The following PCDH7 variants were observed in gnomAD, a reference collection of about 807,000 sequenced individuals.
PCDH7 encodes protocadherin 7.
Under a neutral mutation model 58.9 loss-of-function variants are expected in PCDH7, and 17 were observed. That is an observed-to-expected ratio of 0.29 (90% CI 0.20 to 0.43). The LOEUF (loss-of-function observed/expected upper bound fraction) is 0.43, where lower values mean the gene tolerates loss of function less well. Ranked by LOEUF, PCDH7 falls within the 20% of genes least tolerant of loss-of-function variation. PCDH7 has a pLI of 1.00. For synonymous variants in PCDH7, 664 were observed against 616.4 expected, an observed-to-expected ratio of 1.08 and a Z score of -1.14; for missense variants, 1,274 against 1,441.0, an observed-to-expected ratio of 0.88 and a Z score of 1.88.
At chr4:31,033,864 T>C (rs1578615689) in intron 3 of PCDH7, among the ~76,000 whole-genome samples, 1 of 152,026 alleles carries the variant, frequency 6.6e-6, no homozygotes, top group Admixed American at 6.6e-5. Context: ...GAGGCTGAGG[T>C]GGGCAGATCA....
At chr4:30,889,986 A>G (rs1335921482) in intron 1 of PCDH7, among the ~76,000 whole-genome samples, 2 of 152,218 alleles carry the variant, frequency 1.3e-5, no homozygotes, top group Non-Finnish European at 2.9e-5. Context: ...AGACAATTGG[A>G]TAAGTGCAAT....
In PCDH7 at chr4:30,723,382, C is replaced by G. The variant is rs1714035909; in HGVS notation, c.1960C>G (p.Pro654Ala). ...CTTTTATGTGAAAGAAAACTTGCAGCCCAACAGCCCTGTGGGGATGGTCAC... is the reference window on the plus strand; with the variant it reads ...CTTTTATGTGAAAGAAAACTTGCAGGCCAACAGCCCTGTGGGGATGGTCAC... The change falls in exon 1 of 2, where the codon CCC (proline) becomes GCC (alanine). Residue 654 changes from proline (P) to alanine (A), a missense_variant. Transcript: ENST00000361762. The surrounding 1 kb of genome is among the most constrained non-coding windows in gnomAD (Gnocchi z 4.6). 1.2e-6 allele frequency: 2 copies of G among 1,614,222 alleles called. No homozygotes were observed. Among genetic ancestry groups the G allele is most frequent in the Admixed American group, 1.7e-5 (1 of 60,024 alleles).
intron 3 of PCDH7, among the ~76,000 whole-genome samples, chr4:30,976,891 T>A (rs73815122): frequency 0.036 from 5,534 of 152,260 alleles, 311 homozygotes; most frequent in African/African-American, 0.12. Flanking sequence ...TTTATTTCAT[T>A]AAAAATAATC....
intron 3 of PCDH7, among the ~76,000 whole-genome samples, chr4:31,002,237 A>G (rs779588948): frequency 2.0e-5 from 3 of 152,192 alleles, no homozygotes; most frequent in Non-Finnish European, 4.4e-5. Context: ...TTCTGGGGGT[A>G]TATTAGCCTT....
intron 3 of PCDH7, among the ~76,000 whole-genome samples, chr4:31,047,638 T>C (rs1345104180): frequency 6.6e-6 from 1 of 152,138 alleles, no homozygotes; most frequent in African/African-American, 2.4e-5. Flanking sequence ...ATTGGTTGAC[T>C]GACTGATTTC....
chr4:30,883,511 T>A (rs1346515445), intron 1 of PCDH7, among the ~76,000 whole-genome samples: 1 of 152,158 alleles, frequency 6.6e-6, no homozygotes, highest in African/African-American at 2.4e-5. Flanking sequence ...TTCTAACATT[T>A]TTGCTGCTAC....
rs758073302 is a variant in PCDH7 at position 30,973,437 on chromosome 4, G to T, written c.*7+23222G>T. 2.1e-4 allele frequency among the ~76,000 whole-genome samples: 32 copies of T among 152,252 alleles called. 1 individual carries two copies. The highest frequency in any genetic ancestry group is 4.6e-4 in the Admixed American group (7 of 15,296). On this transcript the variant is annotated intron_variant, in intron 3 of 3. Coordinates refer to the PCDH7 transcript ENST00000509759. Reference sequence around the variant, plus strand: ...AAATGTTTAACTGAGTGTAATGAGTGATTGGTGCATTTTTGGAATAAAAGA... The same window carrying T: ...AAATGTTTAACTGAGTGTAATGAGTTATTGGTGCATTTTTGGAATAAAAGA...
intron 1 of PCDH7, among the ~76,000 whole-genome samples, chr4:30,888,096 G>A (rs1363801486): frequency 6.6e-6 from 1 of 151,870 alleles, no homozygotes; most frequent in Non-Finnish European, 1.5e-5. Context: ...GTCTGGTCTC[G>A]AACCCCTGAC....
intron 1 of PCDH7, among the ~76,000 whole-genome samples, chr4:30,876,010 T>G (rs1006508092): frequency 3.9e-5 from 6 of 152,110 alleles, no homozygotes; most frequent in African/African-American, 1.4e-4. Flanking sequence ...CAAGGAGTAT[T>G]TGTTAACTGT....
chr4:31,077,933 G>T (rs1759142406), intron 3 of PCDH7, among the ~76,000 whole-genome samples: 1 of 152,146 alleles, frequency 6.6e-6, no homozygotes. Context: ...TGAGGTGGCT[G>T]ATTTAGGATC....
At chr4:31,017,589 A>G (rs1039746674) in intron 3 of PCDH7, among the ~76,000 whole-genome samples, 1 of 152,146 alleles carries the variant, frequency 6.6e-6, no homozygotes, top group Non-Finnish European at 1.5e-5. Flanking sequence ...ACATATATAT[A>G]TGCATATGCA....
intron 3 of PCDH7, among the ~76,000 whole-genome samples, chr4:31,114,611 A>G (rs1716753033): frequency 6.9e-6 from 1 of 145,484 alleles, no homozygotes; most frequent in Non-Finnish European, 1.5e-5. Context: ...GTCACTCACC[A>G]TGCACACACT....
At chr4:30,815,425 A>G (rs1367544342) in intron 1 of PCDH7, among the ~76,000 whole-genome samples, 1 of 152,182 alleles carries the variant, frequency 6.6e-6, no homozygotes, top group East Asian at 1.9e-4. Context: ...CCAAGCAGGC[A>G]TCTTTAGATC....
intron 3 of PCDH7, among the ~76,000 whole-genome samples, chr4:31,090,053 C>G (rs907488643): frequency 6.6e-6 from 1 of 151,934 alleles, no homozygotes; most frequent in African/African-American, 2.4e-5. Flanking sequence ...AAGTCATCAC[C>G]CCTTTCTCTC....
intron 3 of PCDH7, among the ~76,000 whole-genome samples, chr4:31,065,616 C>G (rs192496974): frequency 2.3e-4 from 35 of 152,006 alleles, no homozygotes; most frequent in Non-Finnish European, 4.1e-4. Flanking sequence ...TAATAGACAT[C>G]TAACAAATGA....
intron 1 of PCDH7, among the ~76,000 whole-genome samples, chr4:30,767,895 A>C (rs761756016): frequency 6.6e-6 from 1 of 152,190 alleles, no homozygotes; most frequent in Non-Finnish European, 1.5e-5. Flanking sequence ...TGTTCCATTA[A>C]AACCATTAAA....
intron 1 of PCDH7, among the ~76,000 whole-genome samples, chr4:30,875,884 G>T (rs1238742505): frequency 6.6e-6 from 1 of 152,188 alleles, no homozygotes; most frequent in Admixed American, 6.6e-5. Context: ...AATTTCAACA[G>T]GATCTGTGAA....
At chr4:31,068,112 G>T (rs894714147) in intron 3 of PCDH7, among the ~76,000 whole-genome samples, 1 of 151,716 alleles carries the variant, frequency 6.6e-6, no homozygotes, top group Non-Finnish European at 1.5e-5. Flanking sequence ...GTTTTCTTAC[G>T]GGCAAATTGG....
At chr4:30,747,398 T>TAG (rs1434448267) in intron 1 of PCDH7, among the ~76,000 whole-genome samples, 1 of 152,238 alleles carries the variant, frequency 6.6e-6, no homozygotes, top group African/African-American at 2.4e-5. Flanking sequence ...AAATGGCTCT[T>TAG]ACGGTCAAAA....
Sources: gnomAD v4.1 joint callset for allele counts (sites outside exome capture counted in the v4.1 genomes callset) on GRCh38, gnomAD v4.1.1 for gene constraint, Gnocchi (gnomAD v3.1) non-coding constraint, MANE v1.5 for transcripts, NCBI Gene and HGNC (gene_info 2026-07-23, HGNC 2026-07-21) for gene names.